The following CDH23 variants were observed in gnomAD, a reference collection of about 807,000 sequenced individuals.
CDH23 encodes the protein cadherin-23.
Under a neutral mutation model 317.1 loss-of-function variants are expected in CDH23, and 189 were observed. The observed-to-expected ratio is 0.60, with a 90% confidence interval of 0.53 to 0.67. The LOEUF (loss-of-function observed/expected upper bound fraction) is 0.67, where lower values mean the gene tolerates loss of function less well. CDH23 is among the 30% of genes least tolerant of loss of function. The pLI is 0.00. For missense variants in CDH23, 4,401 were observed against 4,592.4 expected, an observed-to-expected ratio of 0.96 and a Z score of 1.20; for synonymous variants, 1,839 against 1,876.8, an observed-to-expected ratio of 0.98 and a Z score of 0.52.
At chr10:71,519,596 G>T (rs1854542120) in intron 6 of CDH23, among the ~76,000 whole-genome samples, 1 of 152,192 alleles carries the variant, frequency 6.6e-6, no homozygotes, top group African/African-American at 2.4e-5. Flanking sequence ...CTGTGCACAT[G>T]TGGGCTCTAA....
Position 71,812,893 on chromosome 10 carries a change from G to A in CDH23, c.9633+3G>A, listed in dbSNP as rs1279732809. The A allele has an allele frequency of 1.9e-6, 3 of 1,613,138 alleles. No individual in the cohort carries two copies. Among genetic ancestry groups the A allele is most frequent in the Non-Finnish European group, 2.5e-6 (3 of 1,179,600 alleles). On this transcript the variant is annotated splice_donor_region_variant and intron_variant, in intron 68 of 69. Coordinates refer to ENST00000224721, the MANE Select transcript of CDH23 (RefSeq NM_022124.6). ...TCATTCGTGAGGGGCCAATCAAGGT[G>A]AGCCTTCCCTGCAGGCTCCGCGCCC...
intron 34 of CDH23, 122 bp from the exon 35 acceptor site, chr10:71,738,376 G>A (rs1839626995): frequency 8.7e-7 from 1 of 1,148,560 alleles, no homozygotes. Context: ...GGGCTCTGAG[G>A]GTTTGCTGAT....
intron 32 of CDH23, 198 bp downstream of exon 32, chr10:71,732,573 C>T: frequency 7.6e-7 from 1 of 1,307,914 alleles, no homozygotes; most frequent in African/African-American, 1.5e-5. Context: ...TTGGAGGCTG[C>T]AGTGAGCTGC....
intron 1 of CDH23, among the ~76,000 whole-genome samples, chr10:71,435,109 G>A (rs1445255024): frequency 6.6e-6 from 1 of 152,182 alleles, no homozygotes; most frequent in African/African-American, 2.4e-5. Flanking sequence ...GAGGCTGGGA[G>A]CCTGGCCATG....
chr10:71,553,926 G>A lies in CDH23; in HGVS notation c.430-12816G>A, dbSNP rs144438559. ...CCCTGGGAGTTTTATCTCTGCTAAGGGCAAAGCAGGGACCTCAGCCTTTAG... is the reference window on the plus strand; with the variant it reads ...CCCTGGGAGTTTTATCTCTGCTAAGAGCAAAGCAGGGACCTCAGCCTTTAG... On this transcript the variant is annotated intron_variant, in intron 6 of 69. Transcript: ENST00000224721. Among the ~76,000 whole-genome samples, 467 of 152,206 alleles carry A rather than the reference G, an allele frequency of 3.1e-3. 2 individuals carry two copies. The highest frequency in any genetic ancestry group is 0.01 in the African/African-American group (429 of 41,516).
At chr10:71,734,729 C>T (rs1839507523) in intron 34 of CDH23, 71 bp downstream of exon 34, 2 of 1,032,120 alleles carry the variant, frequency 1.9e-6, no homozygotes, top group Non-Finnish European at 2.8e-6. Context: ...CTCTGCCTGG[C>T]CCTGGACCTT....
chr10:71,814,839 T>C, intron 69 of CDH23, 113 bp from the exon 70 acceptor site: 1 of 1,256,730 alleles, frequency 8.0e-7, no homozygotes, highest in African/African-American at 1.5e-5. Flanking sequence ...CTGACAGGCC[T>C]GCTGCGGTAG....
chr10:71,667,348 A>AAGAG (rs71480588), intron 14 of CDH23, among the ~76,000 whole-genome samples: 1,663 of 122,334 alleles, frequency 0.014, 47 homozygotes, highest in African/African-American at 0.04. Context: ...GAGGCAGAGA[A>AAGAG]AGAGAGAGAG....
intron 1 of CDH23, among the ~76,000 whole-genome samples, chr10:71,403,671 C>A (rs1054351438): frequency 3.3e-5 from 5 of 151,652 alleles, no homozygotes; most frequent in African/African-American, 1.2e-4. Context: ...TGCACACCAC[C>A]ACGCCCAGCT....
At chr10:71,471,381 A>T (rs2132087323) in intron 3 of CDH23, among the ~76,000 whole-genome samples, 1 of 152,272 alleles carries the variant, frequency 6.6e-6, no homozygotes, top group Non-Finnish European at 1.5e-5. Context: ...TGTGTTCCTC[A>T]GGGACCCCTG....
rs373416519 is a variant in CDH23 at position 71,810,538 on chromosome 10, C to T, written c.9046C>T (p.Arg3016Cys). Residue 3016 changes from arginine to cysteine, a missense_variant, in exon 62 of 70, where the codon CGC becomes TGC. Arg to Cys is a radical substitution (Grantham distance 180). Around this residue, in one of 3 missense-constraint regions of CDH23, gnomAD observed 1,144 missense variants for 1,138.2 expected, o/e 1.01. Transcript: ENST00000224721. The stretch of plus-strand genomic sequence containing the variant: ...AGAACTGCTTATCCACGTGGTGAAC[C>T]GCGATACCAACCGCATCCTGGACGT... Reference protein sequence around the residue: ...QTELLIHVVNRDTNRILDVDR... With the variant: ...QTELLIHVVNCDTNRILDVDR... The T allele has an allele frequency of 1.7e-5, 27 of 1,613,822 alleles. No homozygotes were observed. Among genetic ancestry groups the T allele is most frequent in the Middle Eastern group, 1.6e-4 (1 of 6,084 alleles).
At chr10:71,589,491 C>A (rs1859320626) in intron 9 of CDH23, among the ~76,000 whole-genome samples, 1 of 152,224 alleles carries the variant, frequency 6.6e-6, no homozygotes, top group Non-Finnish European at 1.5e-5. Context: ...AAAATATCAG[C>A]TTACTTAAAG....
intron 6 of CDH23, among the ~76,000 whole-genome samples, chr10:71,552,254 A>C (rs752263169): frequency 6.6e-6 from 1 of 152,198 alleles, no homozygotes. Flanking sequence ...CTGGGTTGTC[A>C]CATTGATGTC....
chr10:71,716,333 C>T, intron 28 of CDH23: 1 of 1,471,988 alleles, frequency 6.8e-7, no homozygotes, highest in Non-Finnish European at 9.0e-7. Flanking sequence ...GCCCTCTGTG[C>T]TCATGGCTCC....
intron 3 of CDH23, among the ~76,000 whole-genome samples, chr10:71,460,104 G>T (rs950202846): frequency 1.3e-5 from 2 of 152,188 alleles, no homozygotes; most frequent in South Asian, 4.1e-4. Flanking sequence ...CCCACCCAAG[G>T]GCTCATAGGC....
At chr10:71,561,399 G>T (rs1857124679) in intron 6 of CDH23, among the ~76,000 whole-genome samples, 1 of 151,616 alleles carries the variant, frequency 6.6e-6, no homozygotes, top group South Asian at 2.1e-4. Context: ...CTCCCTTGCT[G>T]CACACCCTCC....
intron 40 of CDH23, 66 bp downstream of exon 40, chr10:71,778,374 T>C: frequency 6.3e-7 from 1 of 1,597,130 alleles, no homozygotes; most frequent in Non-Finnish European, 8.6e-7. Context: ...CCCAGAAAGC[T>C]CCGATGCGGG....
intron 10 of CDH23, 41 bp downstream of exon 10, chr10:71,615,657 T>G: frequency 7.0e-7 from 1 of 1,421,786 alleles, no homozygotes; most frequent in South Asian, 1.2e-5. Context: ...GTAGAGGAGA[T>G]GCCCCTACTC....
At chr10:71,750,663 T>G (rs2132862608) in intron 38 of CDH23, 1 of 152,682 alleles carries the variant, frequency 6.5e-6, no homozygotes, top group Non-Finnish European at 1.5e-5. Flanking sequence ...CAGATTGACT[T>G]AACCTGTTGA....
Sources: allele counts gnomAD v4.1 joint callset (sites outside exome capture counted in the v4.1 genomes callset), GRCh38; gene constraint gnomAD v4.1.1; regional missense constraint gnomAD v4.1.1; transcripts MANE v1.5; gene names NCBI Gene and HGNC (gene_info 2026-07-23, HGNC 2026-07-21).